The following CTSZ variants were observed in gnomAD, a reference collection of about 807,000 sequenced individuals.
CTSZ encodes cathepsin Z, also known as carboxypeptidase LB.
A neutral mutation model predicts 32.4 loss-of-function variants in CTSZ; 39 were observed. The ratio of observed to expected loss-of-function variants is 1.20; its 90% confidence interval spans 0.93 to 1.57. The LOEUF (loss-of-function observed/expected upper bound fraction) is 1.57. Among genes scored for constraint, CTSZ ranks in the 40% most tolerant of loss-of-function variants. The probability of loss-of-function intolerance (pLI) is 0.00; values close to 1 mark genes in which losing one functional copy is unlikely to be tolerated. For missense variants in CTSZ, 397 were observed against 419.6 expected (o/e 0.95, Z 0.47); for synonymous variants, 168 against 170.1 (o/e 0.99, Z 0.10).
At chr20:59,000,736 T>A (rs2091885137) in intron 3 of CTSZ, among the ~76,000 whole-genome samples, 1 of 151,854 alleles carries the variant, frequency 6.6e-6, no homozygotes, top group African/African-American at 2.4e-5. Flanking sequence ...TGCCAGCATG[T>A]CAGAACTCAA....
At position 58,995,467 on chromosome 20, in the gene CTSZ, TCA is replaced by T; in HGVS notation, c.*180_*181del. The T allele has an allele frequency of 1.7e-6, 1 of 581,018 alleles. No individual in the cohort carries two copies. Among genetic ancestry groups the T allele is most frequent in the South Asian group, 2.2e-5 (1 of 44,796 alleles). The allele number at this position is 581,018 out of a possible 1,614,324, so 36.0% of individuals were successfully genotyped here. A position where few individuals can be genotyped will look rare whatever the true frequency, so the allele number is the denominator to read the frequency against. ...GAGGCAGAGCCATGCTGTGCAAGTG[TCA>T]TAAGTCATCCCACTTTCAACTCTCA... is the stretch of plus-strand genomic sequence containing the variant. On this transcript the variant is annotated 3_prime_UTR_variant, in exon 6 of 6. Transcript: ENST00000217131.
At chr20:59,005,386 C>T (rs1232571332) in intron 2 of CTSZ, among the ~76,000 whole-genome samples, 1 of 152,184 alleles carries the variant, frequency 6.6e-6, no homozygotes, top group African/African-American at 2.4e-5. Flanking sequence ...CTCAAGCCTC[C>T]CCATCTCTCT....
At chr20:59,003,902 A>C (rs539589993) in intron 2 of CTSZ, among the ~76,000 whole-genome samples, 1 of 152,266 alleles carries the variant, frequency 6.6e-6, no homozygotes, top group South Asian at 2.1e-4. Context: ...ACATGTTCTG[A>C]TGGGTTGTCA....
In CTSZ at chr20:59,002,037, G is replaced by A. The variant is rs988783383; in HGVS notation, c.308-393C>T. On this transcript the variant is annotated intron_variant, in intron 2 of 5. Transcript: ENST00000217131. This position sits in a 1 kb window ranked among gnomAD's most constrained non-coding sequence, Gnocchi z 4.1. ...GGCCACACCCCAAAGCCAGCCAGGA[G>A]AGACCGTCCCTGCCCTCGTGGACAG... Among the ~76,000 whole-genome samples the A allele has an allele frequency of 6.6e-6, 1 of 152,270 alleles. No individual in the cohort carries two copies. Among genetic ancestry groups the A allele is most frequent in the Non-Finnish European group, 1.5e-5 (1 of 68,046 alleles).
Position 59,001,763 on chromosome 20 carries a change from G to A in CTSZ, c.308-119C>T. The stretch of plus-strand genomic sequence containing the variant: ...CCCAGCCTGGCCTGCCTTCAGCTCT[G>A]CCCAGCTGCCTGTGTCTCCTTCTCC... On this transcript the variant is annotated intron_variant, in intron 2 of 5. Transcript: ENST00000217131. The A allele has an allele frequency of 7.2e-6, 7 of 972,398 alleles. 1 individual carries two copies. In the South Asian group the frequency reaches 1.1e-4, roughly 15 times the overall value. 60.2% of individuals were successfully genotyped at this position (972,398 alleles called of 1,614,324 possible). A position where few individuals can be genotyped will look rare whatever the true frequency, so the allele number is the denominator to read the frequency against.
At position 59,001,558 on chromosome 20, in the gene CTSZ, A is replaced by C; in HGVS notation, c.394T>G (p.Cys132Gly). 1 of 1,614,160 alleles carries C rather than the reference A, an allele frequency of 6.2e-7. No homozygotes were observed. The highest frequency in any genetic ancestry group is 1.3e-5 in the African/African-American group (1 of 75,032). Residue 132 changes from cysteine (C) to glycine (G), a missense_variant, in exon 3 of 6, where the codon TGT becomes GGT. By Grantham distance (159) the Cys-to-Gly change is radical. Transcript: ENST00000217131. ...ACGGACAGGTCATTACCCCCTTCACAGGAGCCAGCGTTACCGCAGTCGATG... is the reference window on the plus strand; with the variant it reads ...ACGGACAGGTCATTACCCCCTTCACCGGAGCCAGCGTTACCGCAGTCGATG... ...NVIDCGNAGSCEGGNDLSVWD... is the reference protein window; with the variant it reads ...NVIDCGNAGSGEGGNDLSVWD...
At chr20:59,000,324 G>C (rs1370501352) in intron 3 of CTSZ, among the ~76,000 whole-genome samples, 1 of 152,276 alleles carries the variant, frequency 6.6e-6, no homozygotes, top group African/African-American at 2.4e-5. Flanking sequence ...GTTGCAGTGA[G>C]CAGAGATCGT....
intron 2 of CTSZ, 60 bp from the exon 3 acceptor site, chr20:59,001,704 G>A (rs868511949): frequency 1.9e-5 from 29 of 1,554,234 alleles, no homozygotes; most frequent in Middle Eastern, 3.5e-4. Context: ...TTCCCCGAAC[G>A]GACCTGGACG....
rs2091892078 is a variant in CTSZ at position 59,002,063 on chromosome 20, G to A, written c.308-419C>T. ...AGACCGTCCCTGCCCTCGTGGACAG[G>A]GGGCCAAGGTGTCAGCTCTGTGAAC... On this transcript the variant is annotated intron_variant, in intron 2 of 5. Coordinates refer to ENST00000217131, the MANE Select transcript of CTSZ (RefSeq NM_001336.4). This position sits in a 1 kb window ranked among gnomAD's most constrained non-coding sequence, Gnocchi z 4.1. 3.9e-5 allele frequency among the ~76,000 whole-genome samples: 6 copies of A among 152,378 alleles called. No homozygotes were observed. The South Asian group carries it at 1.2e-3, about 32-fold the overall frequency.
intron 4 of CTSZ, 63 bp downstream of exon 4, chr20:58,997,540 T>C (rs1268607508): frequency 2.1e-6 from 3 of 1,451,708 alleles, no homozygotes; most frequent in Non-Finnish European, 9.1e-7. Flanking sequence ...GCGGGACCTT[T>C]CCTCACCCGC....
rs2091853189 is a variant in CTSZ at position 58,995,473 on chromosome 20, GTCATCCCAC to G, written c.*167_*175del. The G allele has an allele frequency of 3.4e-6, 2 of 587,528 alleles. No individual in the cohort carries two copies. The highest frequency in any genetic ancestry group is 6.1e-6 in the Non-Finnish European group (2 of 330,342). The allele number at this position is 587,528 out of a possible 1,614,324, so 36.4% of individuals were successfully genotyped here. On this transcript the variant is annotated 3_prime_UTR_variant, in exon 6 of 6. Coordinates refer to ENST00000217131, the MANE Select transcript of CTSZ (RefSeq NM_001336.4). ...GAGCCATGCTGTGCAAGTGTCATAA[GTCATCCCAC>G]TTTCAACTCTCAGGAACACTCGCAG... is the stretch of plus-strand genomic sequence containing the variant.
chr20:58,997,472 TACATGAGCACCG>T, intron 4 of CTSZ, 119 bp downstream of exon 4: 8 of 871,314 alleles, frequency 9.2e-6, no homozygotes, highest in South Asian at 2.7e-5. Context: ...CGGAGATGCC[TACATGAGCACCG>T]ACATGAGCCC....
intron 5 of CTSZ, among the ~76,000 whole-genome samples, chr20:58,996,011 T>C (rs1271918177): frequency 6.6e-6 from 1 of 152,184 alleles, no homozygotes; most frequent in Admixed American, 6.5e-5. Flanking sequence ...TCACAAAACA[T>C]GTTGACTCTA....
chr20:59,000,988 C>A (rs1179879398), intron 3 of CTSZ, among the ~76,000 whole-genome samples: 1 of 152,022 alleles, frequency 6.6e-6, no homozygotes, highest in East Asian at 1.9e-4. Flanking sequence ...ACCACCACAC[C>A]CAGCTAATTT....
chr20:58,996,678 A>G lies in CTSZ; in HGVS notation c.762T>C (p.Thr254=), dbSNP rs2091862056. The G allele has an allele frequency of 1.9e-6, 3 of 1,614,072 alleles. No homozygotes were observed. The highest frequency in any genetic ancestry group is 1.3e-5 in the African/African-American group (1 of 74,932). The stretch of plus-strand genomic sequence containing the variant: ...ATGAATTCCGGACAATCCAGTACTC[A>G]GTCCCATCACTGATGCCCCACCCAG... The part of the protein sequence containing the change: ...SVAGWGISDG[T]EYWIVRNSWG... The change falls in exon 5 of 6, where the codon ACT becomes ACC. Residue 254 remains threonine, a synonymous_variant. Transcript: ENST00000217131.
intron 3 of CTSZ, among the ~76,000 whole-genome samples, chr20:58,999,171 G>A (rs949047663): frequency 1.3e-5 from 2 of 152,080 alleles, no homozygotes; most frequent in Non-Finnish European, 2.9e-5. Context: ...GAGTAGCTGG[G>A]ATTACAGGCG....
rs539201304 is a variant in CTSZ at position 59,004,273 on chromosome 20, G to C, written c.307+2049C>G. On this transcript the variant is annotated intron_variant, in intron 2 of 5. Coordinates refer to ENST00000217131, the MANE Select transcript of CTSZ (RefSeq NM_001336.4). The surrounding 1 kb of genome is among the most constrained non-coding windows in gnomAD (Gnocchi z 5.6). ...GCAGGTGGATGTCAAGCTGAGTTCA[G>C]GTGAAGGGTTGGTCCTGGGGAAGCT... Among the ~76,000 whole-genome samples, 31 of 152,124 alleles carry C rather than the reference G, an allele frequency of 2.0e-4. No homozygotes were observed. Among genetic ancestry groups the C allele is most frequent in the Non-Finnish European group, 3.5e-4 (24 of 68,020 alleles).
rs1601226361 is a variant in CTSZ at position 59,001,702 on chromosome 20, A to G, written c.308-58T>C. ...ACCCACTCTCCACCCACTTCCCCGAACGGACCTGGACGCCTCAGGCGGGAT... is the reference window on the plus strand; with the variant it reads ...ACCCACTCTCCACCCACTTCCCCGAGCGGACCTGGACGCCTCAGGCGGGAT... On this transcript the variant is annotated intron_variant, in intron 2 of 5. Coordinates refer to ENST00000217131, the MANE Select transcript of CTSZ (RefSeq NM_001336.4). 5 of 1,555,246 alleles carry G rather than the reference A, an allele frequency of 3.2e-6. No individual in the cohort carries two copies. The African/African-American group carries it at 6.7e-5, about 21-fold the overall frequency.
chr20:58,998,720 T>A lies in CTSZ; in HGVS notation c.488-967A>T, dbSNP rs563076025. Among the ~76,000 whole-genome samples the A allele has an allele frequency of 3.0e-4, 46 of 151,924 alleles. No homozygotes were observed. The South Asian group carries it at 4.6e-3, about 15-fold the overall frequency. On this transcript the variant is annotated intron_variant, in intron 3 of 5. Coordinates refer to ENST00000217131, the MANE Select transcript of CTSZ (RefSeq NM_001336.4). ...AGAAAAAAAATTTTATAAATTAATTTAAAAAAAAGAAAAAGTACAGCTCTC... is the reference window on the plus strand; with the variant it reads ...AGAAAAAAAATTTTATAAATTAATTAAAAAAAAAGAAAAAGTACAGCTCTC...
Sources: allele counts gnomAD v4.1 joint callset (sites outside exome capture counted in the v4.1 genomes callset), GRCh38; gene constraint gnomAD v4.1.1; non-coding constraint Gnocchi (gnomAD v3.1); transcripts MANE v1.5; gene names NCBI Gene and HGNC (gene_info 2026-07-23, HGNC 2026-07-21).